TBCA: variants seen among roughly 807,000 people sequenced by gnomAD.
TBCA encodes tubulin-specific chaperone A.
TBCA carries 6 observed loss-of-function variants against 15.8 expected under a neutral mutation model. The ratio of observed to expected loss-of-function variants is 0.38; its 90% CI spans 0.21 to 0.75. TBCA has a LOEUF of 0.75. TBCA is among the 30% of genes least tolerant of loss of function. The pLI is 0.46. For missense variants in TBCA, 90 were observed against 131.2 expected, an observed-to-expected ratio of 0.69 and a Z score of 1.53; for synonymous variants, 32 against 42.3, an observed-to-expected ratio of 0.76 and a Z score of 0.94.
At chr5:77,707,556 G>A (rs1746178060) in intron 2 of TBCA, among the ~76,000 whole-genome samples, 1 of 152,030 alleles carries the variant, frequency 6.6e-6, no homozygotes, top group Admixed American at 6.6e-5. Context: ...GACAGGGATT[G>A]GTAAGAAATG....
At chr5:77,731,636 C>T (rs954060767) in intron 1 of TBCA, among the ~76,000 whole-genome samples, 4 of 152,084 alleles carry the variant, frequency 2.6e-5, no homozygotes, top group Non-Finnish European at 5.9e-5. Context: ...TATCTTTTAT[C>T]TGTTGTATAG....
At chr5:77,769,415 T>A (rs1747854446) in intron 1 of TBCA, among the ~76,000 whole-genome samples, 1 of 152,230 alleles carries the variant, frequency 6.6e-6, no homozygotes. Flanking sequence ...ACCATTGCTT[T>A]AAATATAAGT....
chr5:77,752,459 G>A (rs1747369672), intron 1 of TBCA, among the ~76,000 whole-genome samples: 1 of 152,046 alleles, frequency 6.6e-6, no homozygotes, highest in African/African-American at 2.4e-5. Flanking sequence ...CGCCTCCCAG[G>A]TTCAAATGAT....
At chr5:77,710,212 C>T (rs1746243849) in intron 1 of TBCA, among the ~76,000 whole-genome samples, 1 of 152,086 alleles carries the variant, frequency 6.6e-6, no homozygotes, top group African/African-American at 2.4e-5. Flanking sequence ...AAAGCTGTGA[C>T]CACAAAGTCA....
At chr5:77,767,335 A>G (rs79197180) in intron 1 of TBCA, among the ~76,000 whole-genome samples, 1 of 152,200 alleles carries the variant, frequency 6.6e-6, no homozygotes, top group Non-Finnish European at 1.5e-5. Context: ...TACTTGTGGA[A>G]GTGAAAGGAT....
At chr5:77,748,047 GCTAA>G (rs1361808135) in intron 1 of TBCA, among the ~76,000 whole-genome samples, 1 of 152,088 alleles carries the variant, frequency 6.6e-6, no homozygotes, top group Non-Finnish European at 1.5e-5. Flanking sequence ...TGTTTACCAA[GCTAA>G]CTTAGTTTCT....
chr5:77,757,953 C>T (rs998288853), intron 1 of TBCA, among the ~76,000 whole-genome samples: 1 of 152,130 alleles, frequency 6.6e-6, no homozygotes, highest in Non-Finnish European at 1.5e-5. Flanking sequence ...AATCTCAATT[C>T]TTGCCTCCTC....
intron 1 of TBCA, among the ~76,000 whole-genome samples, chr5:77,764,535 A>G (rs1002046061): frequency 6.6e-6 from 1 of 152,188 alleles, no homozygotes; most frequent in Non-Finnish European, 1.5e-5. Flanking sequence ...AACTCTGTTC[A>G]CCTCTTTAAA....
intron 2 of TBCA, among the ~76,000 whole-genome samples, chr5:77,705,281 GA>G (rs35573409): frequency 0.23 from 34,680 of 151,846 alleles, 4,664 homozygotes; most frequent in Non-Finnish European, 0.31. Context: ...TATTGATGGT[GA>G]AAAAAAGCAG....
At chr5:77,732,550 CAAAAAAAA>C (rs35780694) in intron 1 of TBCA, among the ~76,000 whole-genome samples, 29,069 of 89,552 alleles carry the variant, frequency 0.32, 3,610 homozygotes, top group Non-Finnish European at 0.42. Context: ...GACTCTGTCT[CAAAAAAAA>C]AAAAAAAAAA....
At chr5:77,723,386 A>T (rs1165126824) in intron 1 of TBCA, among the ~76,000 whole-genome samples, 1 of 152,046 alleles carries the variant, frequency 6.6e-6, no homozygotes, top group Non-Finnish European at 1.5e-5. Flanking sequence ...AAATTAGTAC[A>T]TAAAATTTGC....
intron 1 of TBCA, among the ~76,000 whole-genome samples, chr5:77,760,666 G>A (rs999206315): frequency 1.5e-4 from 23 of 152,190 alleles, no homozygotes; most frequent in African/African-American, 5.3e-4. Context: ...CTAGTGATCC[G>A]CCTGCCTCGG....
At chr5:77,754,522 G>C (rs935722330) in intron 1 of TBCA, among the ~76,000 whole-genome samples, 1 of 152,102 alleles carries the variant, frequency 6.6e-6, no homozygotes, top group African/African-American at 2.4e-5. Flanking sequence ...TTACTTAACA[G>C]TTTACCTAGA....
chr5:77,742,892 T>A (rs1384524259), intron 1 of TBCA, among the ~76,000 whole-genome samples: 1 of 152,226 alleles, frequency 6.6e-6, no homozygotes, highest in African/African-American at 2.4e-5. Context: ...GGAGATCAAT[T>A]GCTACTGTTA....
chr5:77,774,592 C>A (rs569195051), intron 1 of TBCA, among the ~76,000 whole-genome samples: 2 of 152,320 alleles, frequency 1.3e-5, no homozygotes, highest in East Asian at 3.9e-4. Flanking sequence ...CTGTCCCCAG[C>A]CCGCTTTGGG....
At chr5:77,720,432 G>A (rs570249547) in intron 1 of TBCA, among the ~76,000 whole-genome samples, 29 of 152,262 alleles carry the variant, frequency 1.9e-4, no homozygotes, top group African/African-American at 7.0e-4. Flanking sequence ...AAGCCAAGTC[G>A]GCCAGGCGCG....
At chr5:77,733,090 G>C (rs1417703067) in intron 1 of TBCA, among the ~76,000 whole-genome samples, 2 of 152,304 alleles carry the variant, frequency 1.3e-5, no homozygotes, top group East Asian at 3.9e-4. Context: ...AGACCAGCCT[G>C]GCCAACATGG....
intron 1 of TBCA, chr5:77,715,247 C>T (rs1391381251): frequency 2.8e-6 from 2 of 702,280 alleles, no homozygotes. Flanking sequence ...TTAATGTACT[C>T]CAGCAAATTG....
At chr5:77,769,335 A>C (rs1747852704) in intron 1 of TBCA, among the ~76,000 whole-genome samples, 2 of 152,192 alleles carry the variant, frequency 1.3e-5, no homozygotes, top group Non-Finnish European at 2.9e-5. Context: ...AAGCTAGCAA[A>C]TCTTACAGGA....
Sources: gnomAD v4.1 joint callset for allele counts (sites outside exome capture counted in the v4.1 genomes callset) on GRCh38, gnomAD v4.1.1 for gene constraint, MANE v1.5 for transcripts, NCBI Gene and HGNC (gene_info 2026-07-23, HGNC 2026-07-21) for gene names.